The following SDK1 variants were observed in gnomAD, a reference collection of about 807,000 sequenced individuals.
SDK1 encodes protein sidekick-1.
A neutral mutation model predicts 245.5 loss-of-function variants in SDK1; 157 were observed. The ratio of observed to expected loss-of-function variants is 0.64; its 90% CI spans 0.56 to 0.73. The LOEUF is 0.73. Ranked by LOEUF, SDK1 falls within the 30% of genes least tolerant of loss-of-function variation. The pLI is 0.00. For missense variants in SDK1, 3,583 were observed against 3,002.3 expected, an observed-to-expected ratio of 1.19 and a Z score of -4.52; for synonymous variants, 1,647 against 1,278.5, an observed-to-expected ratio of 1.29 and a Z score of -6.15.
chr7:3,786,254 GTTAT>G, intron 4 of SDK1, among the ~76,000 whole-genome samples: 1 of 152,264 alleles, frequency 6.6e-6, no homozygotes, highest in South Asian at 2.1e-4. Flanking sequence ...CTGTTTTGTA[GTTAT>G]TATCTTCCTG....
chr7:4,020,455 T>C (rs962097524), intron 17 of SDK1, among the ~76,000 whole-genome samples: 2 of 152,104 alleles, frequency 1.3e-5, no homozygotes, highest in African/African-American at 4.8e-5. Context: ...TCTGTGACAG[T>C]ACATTGCTAG....
chr7:3,805,720 C>T (rs141194920), intron 4 of SDK1, among the ~76,000 whole-genome samples: 2,125 of 152,202 alleles, frequency 0.014, 20 homozygotes, highest in Middle Eastern at 0.034. Flanking sequence ...GTATGAAACA[C>T]ATCTAGTGCT....
At chr7:3,317,048 G>T (rs756711665) in intron 1 of SDK1, among the ~76,000 whole-genome samples, 1 of 151,576 alleles carries the variant, frequency 6.6e-6, no homozygotes. Flanking sequence ...GAGTGTGGTG[G>T]TGTGCACTTG....
chr7:3,759,584 CATT>C (rs4039584), intron 4 of SDK1, among the ~76,000 whole-genome samples: 8,921 of 145,782 alleles, frequency 0.061, 948 homozygotes, highest in African/African-American at 0.21. Flanking sequence ...AAATTTTTTT[CATT>C]ATTATTATTA....
intron 28 of SDK1, among the ~76,000 whole-genome samples, chr7:4,143,902 A>G (rs1258864422): frequency 6.6e-6 from 1 of 152,194 alleles, no homozygotes. Flanking sequence ...GAAGCGTTGC[A>G]GGGATGCAGC....
chr7:4,098,737 C>T (rs185140322), intron 22 of SDK1, among the ~76,000 whole-genome samples: 1 of 151,524 alleles, frequency 6.6e-6, no homozygotes, highest in African/African-American at 2.4e-5. Context: ...AATCTTGGCT[C>T]ACTGCAGCCT....
At chr7:4,261,081 C>T (rs1036801758) in intron 44 of SDK1, among the ~76,000 whole-genome samples, 1 of 152,182 alleles carries the variant, frequency 6.6e-6, no homozygotes, top group Admixed American at 6.5e-5. Context: ...GGTAGATTTT[C>T]AGCCTGTGTC....
chr7:3,593,701 C>G (rs1780962419), intron 1 of SDK1, among the ~76,000 whole-genome samples: 1 of 152,126 alleles, frequency 6.6e-6, no homozygotes, highest in African/African-American at 2.4e-5. Context: ...TCCCTTCCTC[C>G]TGCTCACTGG....
intron 4 of SDK1, among the ~76,000 whole-genome samples, chr7:3,690,009 T>C (rs1238376028): frequency 6.6e-6 from 1 of 152,280 alleles, no homozygotes; most frequent in Non-Finnish European, 1.5e-5. Context: ...CTACAAAATA[T>C]ATTTGCTAAA....
At chr7:3,879,557 C>G (rs1781155226) in intron 5 of SDK1, among the ~76,000 whole-genome samples, 1 of 152,246 alleles carries the variant, frequency 6.6e-6, no homozygotes, top group Non-Finnish European at 1.5e-5. Context: ...GGTTCCAATT[C>G]TGTACCGGCT....
In SDK1 at chr7:3,866,089, A is replaced by G. The variant is rs1481127197; in HGVS notation, c.847+44506A>G. 3.9e-5 allele frequency among the ~76,000 whole-genome samples: 6 copies of G among 152,224 alleles called. No homozygotes were observed. In the East Asian group the frequency reaches 1.2e-3, roughly 29 times the overall value. On this transcript the variant is annotated intron_variant, in intron 5 of 44. Transcript: ENST00000404826. ...TAAAACATTATGAATATATTTTGTT[A>G]GTTGACTTTTTAGCTATTTTAGAAT...
intron 2 of SDK1, among the ~76,000 whole-genome samples, chr7:3,634,838 T>G (rs1402974595): frequency 2.0e-5 from 3 of 152,236 alleles, no homozygotes; most frequent in African/African-American, 7.2e-5. Flanking sequence ...CTGCTTCTTG[T>G]TTGAAAGCAG....
intron 17 of SDK1, among the ~76,000 whole-genome samples, chr7:4,029,243 A>T: frequency 9.9e-6 from 1 of 101,118 alleles, no homozygotes; most frequent in Non-Finnish European, 1.8e-5. Flanking sequence ...AAGAAGTCTC[A>T]CTCTGTCATC....
rs578059564 is a variant in SDK1, at chr7:3,449,901, T to G, written c.298+148017T>G. Among the ~76,000 whole-genome samples, 17 of 152,318 alleles carry G rather than the reference T, an allele frequency of 1.1e-4. No homozygotes were observed. In the South Asian group the frequency reaches 3.5e-3, roughly 32 times the overall value. ...CAGGTTACATCATTGCAGAACTGTT[T>G]ATTAACAATTAGCCACGTGTCCAGG... On this transcript the variant is annotated intron_variant, in intron 1 of 44. Transcript: ENST00000404826.
intron 13 of SDK1, among the ~76,000 whole-genome samples, chr7:3,979,228 G>T (rs1426127622): frequency 6.6e-6 from 1 of 152,202 alleles, no homozygotes; most frequent in Non-Finnish European, 1.5e-5. Flanking sequence ...TGTGAGGGCG[G>T]CACCCACCCG....
At chr7:3,940,063 C>T (rs953798253) in intron 5 of SDK1, among the ~76,000 whole-genome samples, 7 of 151,928 alleles carry the variant, frequency 4.6e-5, no homozygotes, top group Non-Finnish European at 2.9e-5. Context: ...GGAGGATGGC[C>T]GGAGCCACCC....
At chr7:3,890,428 T>C (rs1382222116) in intron 5 of SDK1, among the ~76,000 whole-genome samples, 2 of 152,244 alleles carry the variant, frequency 1.3e-5, no homozygotes, top group Non-Finnish European at 2.9e-5. Context: ...TTGGGTGAGA[T>C]AAACAACATC....
At chr7:3,627,269 G>A (rs1479420752) in intron 2 of SDK1, among the ~76,000 whole-genome samples, 1 of 152,118 alleles carries the variant, frequency 6.6e-6, no homozygotes, top group Non-Finnish European at 1.5e-5. Flanking sequence ...TATCCTATTA[G>A]TGTGGCTACT....
intron 1 of SDK1, among the ~76,000 whole-genome samples, chr7:3,328,010 G>A (rs1195375090): frequency 6.6e-6 from 1 of 152,084 alleles, no homozygotes; most frequent in African/African-American, 2.4e-5. Context: ...TCCCTCTGGA[G>A]GCTGTGAAAA....
Sources: gnomAD v4.1 joint callset for allele counts (sites outside exome capture counted in the v4.1 genomes callset) on GRCh38, gnomAD v4.1.1 for gene constraint, MANE v1.5 for transcripts, NCBI Gene and HGNC (gene_info 2026-07-23, HGNC 2026-07-21) for gene names.